The following ASTN2 variants were observed in gnomAD, a reference collection of about 807,000 sequenced individuals.
ASTN2 encodes the protein astrotactin 2, also known as astrotactin-2.
Under a neutral mutation model 139.8 loss-of-function variants are expected in ASTN2, and 54 were observed. The ratio of observed to expected loss-of-function variants is 0.39; its 90% CI spans 0.31 to 0.48. The LOEUF (loss-of-function observed/expected upper bound fraction) is 0.48, where lower values mean the gene tolerates loss of function less well. Ranked by LOEUF, ASTN2 falls within the 20% of genes least tolerant of loss-of-function variation. The pLI, the probability that ASTN2 is intolerant of heterozygous loss-of-function variation, is 0.95. For missense variants in ASTN2, 1,565 were observed against 1,725.1 expected, an observed-to-expected ratio of 0.91 and a Z score of 1.64; for synonymous variants, 756 against 719.5, an observed-to-expected ratio of 1.05 and a Z score of -0.81.
In ASTN2 at chr9:116,725,719, T is replaced by A. The variant is rs566804259; in HGVS notation, c.2806+52A>T. On this transcript the variant is annotated intron_variant, in intron 16 of 22. Transcript: ENST00000313400. ...CAGCTCAGTTGTCTCCCCAGACCCCTTGCCTCTATAGCCTGCCTGGCCACC... is the reference window on the plus strand; with the variant it reads ...CAGCTCAGTTGTCTCCCCAGACCCCATGCCTCTATAGCCTGCCTGGCCACC... 1.7e-5 allele frequency: 26 copies of A among 1,574,222 alleles called. No individual in the cohort carries two copies. The African/African-American group carries it at 3.4e-4, about 20-fold the overall frequency.
intron 6 of ASTN2, among the ~76,000 whole-genome samples, chr9:117,013,942 T>C (rs746891402): frequency 6.6e-6 from 1 of 152,158 alleles, no homozygotes; most frequent in Non-Finnish European, 1.5e-5. Flanking sequence ...TGGCAAATGG[T>C]GAGCAGAATA....
chr9:117,109,335 A>AACAT (rs1829191082), intron 4 of ASTN2, among the ~76,000 whole-genome samples: 1 of 143,390 alleles, frequency 7.0e-6, no homozygotes, highest in Non-Finnish European at 1.5e-5. Context: ...CCTGTCTCAA[A>AACAT]AAATAAATAA....
At chr9:117,395,236 A>T (rs1447469163) in intron 1 of ASTN2, among the ~76,000 whole-genome samples, 2 of 152,106 alleles carry the variant, frequency 1.3e-5, no homozygotes, top group Non-Finnish European at 2.9e-5. Flanking sequence ...TCCTTCCCCA[A>T]ATGCCGCCCC....
At chr9:116,747,054 C>T (rs540545003) in intron 13 of ASTN2, among the ~76,000 whole-genome samples, 18 of 152,270 alleles carry the variant, frequency 1.2e-4, no homozygotes, top group South Asian at 8.3e-4. Context: ...CCTCCCTTGC[C>T]GTCCTTCCTT....
intron 10 of ASTN2, among the ~76,000 whole-genome samples, chr9:116,899,431 C>T (rs1489025700): frequency 1.3e-5 from 2 of 152,158 alleles, no homozygotes; most frequent in Non-Finnish European, 2.9e-5. Flanking sequence ...TTATTTTCTC[C>T]ATGTTGCCTT....
intron 1 of ASTN2, among the ~76,000 whole-genome samples, chr9:117,354,701 CTCCCTCCA>C (rs1829488824): frequency 6.6e-6 from 1 of 152,076 alleles, no homozygotes; most frequent in Admixed American, 6.5e-5. Flanking sequence ...TCCTCCTTCC[CTCCCTCCA>C]GCAACACAGG....
chr9:117,413,902 A>G (rs1450467681), intron 1 of ASTN2, among the ~76,000 whole-genome samples: 1 of 152,094 alleles, frequency 6.6e-6, no homozygotes, highest in Non-Finnish European at 1.5e-5. Context: ...CTCCAGCCCT[A>G]TTTCACAGAT....
At chr9:117,021,674 A>G (rs955257601) in intron 6 of ASTN2, among the ~76,000 whole-genome samples, 2 of 152,126 alleles carry the variant, frequency 1.3e-5, no homozygotes, top group African/African-American at 4.8e-5. Flanking sequence ...CATGCCACTA[A>G]CTAACCAAAT....
chr9:116,578,823 A>C (rs925563620), intron 19 of ASTN2: 7 of 152,196 alleles, frequency 4.6e-5, no homozygotes, highest in African/African-American at 1.7e-4. Context: ...TCTTGGATAA[A>C]GTTATTATTG....
At chr9:116,951,337 C>CAAAAAAAAAAAAAAA (rs386416039) in intron 10 of ASTN2, among the ~76,000 whole-genome samples, 2 of 34,060 alleles carry the variant, frequency 5.9e-5, no homozygotes, top group African/African-American at 1.6e-4. Context: ...AACTCTGTCT[C>CAAAAAAAAAAAAAAA]AAAAAAAAAA....
chr9:116,903,582 A>C (rs1054759171), intron 10 of ASTN2, among the ~76,000 whole-genome samples: 3 of 152,138 alleles, frequency 2.0e-5, no homozygotes, highest in Non-Finnish European at 4.4e-5. Context: ...CTTCTATAGC[A>C]AAACTTGGAC....
In ASTN2 at chr9:116,897,362, C is replaced by T. The variant is rs138687931; in HGVS notation, c.1890-33629G>A. Among the ~76,000 whole-genome samples, 733 of 152,260 alleles carry T rather than the reference C, an allele frequency of 4.8e-3. 3 individuals are homozygous for T. Among genetic ancestry groups the T allele is most frequent in the African/African-American group, 0.017 (689 of 41,544 alleles). Reference sequence around the variant, plus strand: ...TTCACATTCCCTCCCAGACTGAGTGCCAGTAATTCTGAAAACCAGATGGTC... The same window carrying T: ...TTCACATTCCCTCCCAGACTGAGTGTCAGTAATTCTGAAAACCAGATGGTC... On this transcript the variant is annotated intron_variant, in intron 10 of 22. Transcript: ENST00000313400.
chr9:117,181,182 T>A, intron 3 of ASTN2: 1 of 663,674 alleles, frequency 1.5e-6, no homozygotes. Flanking sequence ...AGGAACCCAG[T>A]TGGCTTAATT....
At chr9:116,738,478 GA>G (rs796987477) in intron 13 of ASTN2, among the ~76,000 whole-genome samples, 1,783 of 135,808 alleles carry the variant, frequency 0.013, 39 homozygotes, top group African/African-American at 0.041. Flanking sequence ...CATCTCAGAA[GA>G]AAAAAAAAAA....
intron 1 of ASTN2, among the ~76,000 whole-genome samples, chr9:117,404,706 G>C (rs1482504228): frequency 2.0e-5 from 3 of 152,202 alleles, no homozygotes; most frequent in African/African-American, 7.2e-5. Flanking sequence ...CTACATCTCA[G>C]ACTCCAGACA....
chr9:116,765,138 G>C (rs957283625), intron 13 of ASTN2, among the ~76,000 whole-genome samples: 3 of 152,140 alleles, frequency 2.0e-5, no homozygotes, highest in African/African-American at 7.2e-5. Context: ...GCCCAAGAGG[G>C]TTCCTTCTGA....
chr9:117,169,989 CT>C (rs1830754305), intron 3 of ASTN2, among the ~76,000 whole-genome samples: 1 of 152,112 alleles, frequency 6.6e-6, no homozygotes, highest in African/African-American at 2.4e-5. Context: ...GTTTGAATCC[CT>C]GTTCCAGCAC....
intron 19 of ASTN2, among the ~76,000 whole-genome samples, chr9:116,512,962 A>G (rs1850466277): frequency 6.6e-6 from 1 of 152,156 alleles, no homozygotes; most frequent in Non-Finnish European, 1.5e-5. Context: ...CCAATTTGCC[A>G]ATCTGTGTCT....
intron 4 of ASTN2, among the ~76,000 whole-genome samples, chr9:117,128,301 G>A (rs1829746268): frequency 7.1e-6 from 1 of 140,346 alleles, no homozygotes; most frequent in African/African-American, 2.6e-5. Flanking sequence ...TTGAACCCGG[G>A]AGGTGGAGGT....
Sources: gnomAD v4.1 joint callset for allele counts (sites outside exome capture counted in the v4.1 genomes callset) on GRCh38, gnomAD v4.1.1 for gene constraint, MANE v1.5 for transcripts, NCBI Gene and HGNC (gene_info 2026-07-23, HGNC 2026-07-21) for gene names.